Variants in RAB39A observed in about 807,000 individuals in gnomAD.
RAB39A encodes ras-related protein Rab-39A.
Under a neutral mutation model 20.9 loss-of-function variants are expected in RAB39A, and 17 were observed. The ratio of observed to expected loss-of-function variants is 0.81; its 90% CI spans 0.56 to 1.22. The LOEUF (loss-of-function observed/expected upper bound fraction) is 1.22, where lower values mean the gene tolerates loss of function less well. Among genes scored for constraint, RAB39A ranks in the 50% most tolerant of loss-of-function variants. The pLI is 0.00. For synonymous variants in RAB39A, 99 were observed against 103.4 expected (o/e 0.96, Z 0.26); for missense variants, 234 against 270.5 (o/e 0.87, Z 0.95).
At chr11:107,934,864 G>T (rs776919729) in intron 1 of RAB39A, among the ~76,000 whole-genome samples, 47 of 150,842 alleles carry the variant, frequency 3.1e-4, no homozygotes, top group Non-Finnish European at 1.8e-4. Context: ...AGGAAGCGGA[G>T]GTTGCGGTGA....
chr11:107,928,474 C>G lies in RAB39A; in HGVS notation c.-95C>G, dbSNP rs1291087629. 7.5e-6 allele frequency: 7 copies of G among 928,740 alleles called. No individual in the cohort carries two copies. In the East Asian group the frequency reaches 2.3e-4, roughly 30 times the overall value. 57.5% of individuals were successfully genotyped at this position (928,740 alleles called of 1,614,324 possible). ...GCCGCAGGAATATGCTGGAAGGCGG[C>G]GGGCGGGCGCCCGCGAGGTGCTGAA... On this transcript the variant is annotated 5_prime_UTR_variant, in exon 1 of 2. Transcript: ENST00000320578. The surrounding 1 kb of genome is among the most constrained non-coding windows in gnomAD (Gnocchi z 4.9).
intron 1 of RAB39A, among the ~76,000 whole-genome samples, chr11:107,959,214 A>C (rs539895078): frequency 6.6e-6 from 1 of 152,352 alleles, no homozygotes; most frequent in African/African-American, 2.4e-5. Flanking sequence ...TTGAGTTTTC[A>C]GCCACAAAAG....
chr11:107,939,614 A>G (rs924709382), intron 1 of RAB39A, among the ~76,000 whole-genome samples: 1 of 134,096 alleles, frequency 7.5e-6, no homozygotes, highest in Non-Finnish European at 1.6e-5. Context: ...CATCTCAAAG[A>G]AAAAAAAAAA....
intron 1 of RAB39A, among the ~76,000 whole-genome samples, chr11:107,950,430 A>T (rs1861365780): frequency 6.6e-6 from 1 of 152,126 alleles, no homozygotes; most frequent in Non-Finnish European, 1.5e-5. Flanking sequence ...GGTAGGACTC[A>T]TGCATGCCCA....
Position 107,962,437 on chromosome 11 carries a change from T to C in RAB39A, c.*65T>C, listed in dbSNP as rs1861507935. The C allele has an allele frequency of 1.3e-5, 18 of 1,386,366 alleles. No homozygotes were observed. Among genetic ancestry groups the C allele is most frequent in the South Asian group, 2.9e-5 (2 of 68,330 alleles). 85.9% of individuals were successfully genotyped at this position (1,386,366 alleles called of 1,614,324 possible). On this transcript the variant is annotated 3_prime_UTR_variant, in exon 2 of 2. Transcript: ENST00000320578. ...GTCAGTTCAGGATAAATACCAACAT[T>C]AACAGCAGAATGATGCAATGAAAGA...
At chr11:107,953,030 G>C (rs909970872) in intron 1 of RAB39A, among the ~76,000 whole-genome samples, 2 of 152,232 alleles carry the variant, frequency 1.3e-5, no homozygotes, top group Non-Finnish European at 2.9e-5. Flanking sequence ...GGGAAATTGG[G>C]AATTGCTGTT....
chr11:107,938,445 C>A (rs1187180579), intron 1 of RAB39A, among the ~76,000 whole-genome samples: 3 of 147,138 alleles, frequency 2.0e-5, no homozygotes, highest in African/African-American at 7.5e-5. Context: ...TGTAGCCAGA[C>A]ATTTTTAGGC....
intron 1 of RAB39A, among the ~76,000 whole-genome samples, chr11:107,933,815 T>C (rs117771267): frequency 0.024 from 3,669 of 150,750 alleles, 72 homozygotes; most frequent in African/African-American, 0.057. Context: ...CGCCCCAAGC[T>C]CAACTAATTT....
Position 107,963,423 on chromosome 11 carries a change from A to G in RAB39A, c.*1051A>G, listed in dbSNP as rs1382954231. 7 of 152,218 alleles carry G rather than the reference A, an allele frequency of 4.6e-5. No individual in the cohort carries two copies. The highest frequency in any genetic ancestry group is 1.0e-4 in the Non-Finnish European group (7 of 68,050). 9.4% of individuals were successfully genotyped at this position (152,218 alleles called of 1,614,324 possible). A position where few individuals can be genotyped will look rare whatever the true frequency, so the allele number is the denominator to read the frequency against. On this transcript the variant is annotated 3_prime_UTR_variant, in exon 2 of 2. Transcript: ENST00000320578. ...GTGTACTGTTCGTATTTAGACAAGA[A>G]GAACAAAATTTATTTATGTATTGAC...
intron 1 of RAB39A, among the ~76,000 whole-genome samples, chr11:107,955,696 C>T (rs987542045): frequency 2.0e-5 from 3 of 151,990 alleles, no homozygotes; most frequent in South Asian, 2.1e-4. Context: ...AAATTAGCCA[C>T]GTGTGGTGGT....
chr11:107,946,343 C>T (rs111827784), intron 1 of RAB39A, among the ~76,000 whole-genome samples: 2,138 of 118,280 alleles, frequency 0.018, 92 homozygotes, highest in African/African-American at 0.066. Context: ...CACACACACA[C>T]ATATATATAC....
chr11:107,945,116 GGAGGTTGCAGTGAGCCAA>G (rs1410728641), intron 1 of RAB39A, among the ~76,000 whole-genome samples: 1 of 151,280 alleles, frequency 6.6e-6, no homozygotes, highest in Non-Finnish European at 1.5e-5. Flanking sequence ...CCCAGGGGGC[GGAGGTTGCAGTGAGCCAA>G]GATTGTGCCA....
chr11:107,949,895 G>A (rs920388683), intron 1 of RAB39A, among the ~76,000 whole-genome samples: 1 of 152,050 alleles, frequency 6.6e-6, no homozygotes, highest in African/African-American at 2.4e-5. Flanking sequence ...GATTTTGGCC[G>A]GGCGCGGTGG....
At chr11:107,953,230 G>A (rs1179701795) in intron 1 of RAB39A, among the ~76,000 whole-genome samples, 1 of 152,172 alleles carries the variant, frequency 6.6e-6, no homozygotes, top group Non-Finnish European at 1.5e-5. Context: ...GTAAAGCTAT[G>A]TTGAAAGATA....
At chr11:107,943,612 C>G (rs1246920449) in intron 1 of RAB39A, among the ~76,000 whole-genome samples, 2 of 151,168 alleles carry the variant, frequency 1.3e-5, no homozygotes, top group African/African-American at 4.9e-5. Context: ...CAAGGATTTA[C>G]TTGTGGAAAT....
rs1371221016 is a variant in RAB39A at position 107,946,458 on chromosome 11, ATATTTTTTTTT to A, written c.228-15486_228-15476del. On this transcript the variant is annotated intron_variant, in intron 1 of 1. Transcript: ENST00000320578. ...TGTGTATATATATATATATATATAT[ATATTTTTTTTT>A]TTTTTTTTTTTTTTTTTTTTTGAGA... 6.2e-3 allele frequency among the ~76,000 whole-genome samples: 166 copies of A among 26,716 alleles called. 5 individuals carry two copies. In the South Asian group the frequency reaches 0.087, roughly 14 times the overall value. The allele number at this position is 26,716 out of a possible 152,430, so 17.5% of individuals were successfully genotyped here. A position where few individuals can be genotyped will look rare whatever the true frequency, so the allele number is the denominator to read the frequency against.
intron 1 of RAB39A, among the ~76,000 whole-genome samples, chr11:107,935,986 A>T (rs116143066): frequency 0.069 from 10,060 of 145,150 alleles, 366 homozygotes; most frequent in African/African-American, 0.11. Context: ...GCTTACTGCA[A>T]CCTCTCCCTC....
chr11:107,928,822 C>T lies in RAB39A; in HGVS notation c.227+27C>T, dbSNP rs1040402222. Reference sequence around the variant, plus strand: ...TAGGGACCCCGGGGACCTTGGGCACCGCGCCGCCCCCTCAGCCCGCCCGGA... The same window carrying T: ...TAGGGACCCCGGGGACCTTGGGCACTGCGCCGCCCCCTCAGCCCGCCCGGA... On this transcript the variant is annotated intron_variant, in intron 1 of 1. Coordinates refer to ENST00000320578, the MANE Select transcript of RAB39A (RefSeq NM_017516.3). This position sits in a 1 kb window ranked among gnomAD's most constrained non-coding sequence, Gnocchi z 4.9. 5 of 1,476,814 alleles carry T rather than the reference C, an allele frequency of 3.4e-6. No homozygotes were observed. The highest frequency in any genetic ancestry group is 2.1e-5 in the Admixed American group (1 of 46,632). The allele number at this position is 1,476,814 out of a possible 1,614,324, so 91.5% of individuals were successfully genotyped here.
chr11:107,928,541 G>T lies in RAB39A; in HGVS notation c.-28G>T. ...CCGAACTTAGCCCGCGGGTGGGGCG[G>T]CCCGGGAGCCAGCGGGGCACGTGAG... On this transcript the variant is annotated 5_prime_UTR_variant, in exon 1 of 2. Transcript: ENST00000320578. The surrounding 1 kb of genome is among the most constrained non-coding windows in gnomAD (Gnocchi z 4.9). The T allele has an allele frequency of 7.0e-7, 1 of 1,420,114 alleles. No homozygotes were observed. 88.0% of individuals were successfully genotyped at this position (1,420,114 alleles called of 1,614,324 possible).
Sources: allele counts gnomAD v4.1 joint callset (sites outside exome capture counted in the v4.1 genomes callset), GRCh38; gene constraint gnomAD v4.1.1; non-coding constraint Gnocchi (gnomAD v3.1); transcripts MANE v1.5; gene names NCBI Gene and HGNC (gene_info 2026-07-23, HGNC 2026-07-21).